ARHGAP21: variants seen among roughly 807,000 people sequenced by gnomAD.
The protein encoded by ARHGAP21 is rho GTPase-activating protein 21.
In ARHGAP21, 38 loss-of-function variants were observed where a neutral mutation model predicts 164.6. The ratio of observed to expected loss-of-function variants is 0.23; its 90% CI spans 0.18 to 0.30. The LOEUF (loss-of-function observed/expected upper bound fraction) is 0.30, where lower values mean the gene tolerates loss of function less well. ARHGAP21 is among the 10% of genes least tolerant of loss of function. The pLI is 1.00. For synonymous variants in ARHGAP21, 766 were observed against 857.9 expected, an observed-to-expected ratio of 0.89 and a Z score of 1.87; for missense variants, 1,822 against 2,370.7, an observed-to-expected ratio of 0.77 and a Z score of 4.81.
intron 5 of ARHGAP21, among the ~76,000 whole-genome samples, chr10:24,633,885 T>C (rs1006580195): frequency 4.4e-5 from 5 of 114,912 alleles, no homozygotes; most frequent in African/African-American, 1.6e-4. Context: ...TTTTTTCTCT[T>C]TTTTTTTTTT....
chr10:24,590,784 AC>A (rs2076293183), intron 24 of ARHGAP21: 1 of 985,276 alleles, frequency 1.0e-6, no homozygotes, highest in South Asian at 4.7e-5. Context: ...TACCAGTTCA[AC>A]AGATTTAACT....
At chr10:24,672,914 A>G in intron 2 of ARHGAP21, among the ~76,000 whole-genome samples, 1 of 152,228 alleles carries the variant, frequency 6.6e-6, no homozygotes, top group African/African-American at 2.4e-5. Flanking sequence ...ATATACTAGC[A>G]ATAAGCAACT....
At chr10:24,643,256 G>A (rs1048108973) in intron 4 of ARHGAP21, among the ~76,000 whole-genome samples, 4 of 152,214 alleles carry the variant, frequency 2.6e-5, no homozygotes, top group Non-Finnish European at 5.9e-5. Flanking sequence ...TAAAGTTCAT[G>A]TAGCATTGTA....
rs771768304 is a variant in ARHGAP21 at position 24,620,605 on chromosome 10, G to T, written c.1290C>A (p.Pro430=). Residue 430 remains proline, a synonymous_variant, in exon 9 of 26, where the codon CCC becomes CCA. Coordinates refer to ENST00000396432, the MANE Select transcript of ARHGAP21 (RefSeq NM_020824.4). ...QSTTDYNQVV[P]NRTTLQGRRR... The stretch of plus-strand genomic sequence containing the variant: ...GTCGTCCCTGCAAAGTAGTGCGGTT[G>T]GGGACGACCTGGTTATAATCTGTCG... The T allele has an allele frequency of 6.2e-7, 1 of 1,614,212 alleles. No homozygotes were observed. Among genetic ancestry groups the T allele is most frequent in the Non-Finnish European group, 8.5e-7 (1 of 1,180,046 alleles).
chr10:24,601,561 TTAAAA>T (rs1433829072), intron 13 of ARHGAP21, among the ~76,000 whole-genome samples: 3 of 152,108 alleles, frequency 2.0e-5, no homozygotes, highest in Non-Finnish European at 2.9e-5. Flanking sequence ...CTTAATATTT[TTAAAA>T]TAAAATGAAA....
intron 3 of ARHGAP21, among the ~76,000 whole-genome samples, chr10:24,668,159 C>T (rs1840372161): frequency 6.6e-6 from 1 of 152,154 alleles, no homozygotes; most frequent in Non-Finnish European, 1.5e-5. Flanking sequence ...TAACAGGAGG[C>T]AGAAATGGAA....
chr10:24,692,901 T>C (rs1221474972), intron 2 of ARHGAP21, among the ~76,000 whole-genome samples: 1 of 151,272 alleles, frequency 6.6e-6, no homozygotes, highest in African/African-American at 2.4e-5. Flanking sequence ...CACAATGAAC[T>C]ACCATAAACA....
chr10:24,669,471 A>G (rs1159964960), intron 3 of ARHGAP21, among the ~76,000 whole-genome samples: 1 of 152,184 alleles, frequency 6.6e-6, no homozygotes, highest in Non-Finnish European at 1.5e-5. Context: ...TTTCCATTAT[A>G]CTATTGTGTA....
At chr10:24,631,611 G>A (rs1203665282) in intron 6 of ARHGAP21, among the ~76,000 whole-genome samples, 1 of 152,100 alleles carries the variant, frequency 6.6e-6, no homozygotes, top group East Asian at 1.9e-4. Context: ...AGAACCACAG[G>A]TTCAAATAAA....
chr10:24,585,984 A>C lies in ARHGAP21; in HGVS notation c.4305T>G (p.Asp1435Glu). 1 of 1,614,106 alleles carries C rather than the reference A, an allele frequency of 6.2e-7. No individual in the cohort carries two copies. Reference protein sequence around the residue: ...KEKAQPSSSEDELDNVFFKKE... With the variant: ...KEKAQPSSSEEELDNVFFKKE... The stretch of plus-strand genomic sequence containing the variant: ...TCTTAAAAAATACATTGTCCAGTTC[A>C]TCTTCTGAGCTGCTAGGCTGTGCTT... Residue 1435 changes from aspartate to glutamate, a missense_variant, in exon 26 of 26, where the codon GAT becomes GAG. By Grantham distance (45) the Asp-to-Glu change is conservative. Coordinates refer to ENST00000396432, the MANE Select transcript of ARHGAP21 (RefSeq NM_020824.4).
At chr10:24,665,913 G>T (rs1223623912) in intron 4 of ARHGAP21, among the ~76,000 whole-genome samples, 1 of 152,236 alleles carries the variant, frequency 6.6e-6, no homozygotes, top group African/African-American at 2.4e-5. Flanking sequence ...AAGAGAACAA[G>T]GATACTAGCG....
At chr10:24,588,155 T>TA (rs1377515729) in intron 25 of ARHGAP21, among the ~76,000 whole-genome samples, 1 of 152,234 alleles carries the variant, frequency 6.6e-6, no homozygotes. Context: ...ACAATCTGTA[T>TA]AAAAACTGCA....
At chr10:24,633,558 T>A in intron 5 of ARHGAP21, 78 bp from the exon 6 acceptor site, 1 of 880,306 alleles carries the variant, frequency 1.1e-6, no homozygotes, top group Non-Finnish European at 1.8e-6. Context: ...ATTTCTTGAA[T>A]AATGTCCTTA....
At chr10:24,701,771 C>T (rs1025358165) in intron 2 of ARHGAP21, among the ~76,000 whole-genome samples, 244 of 152,234 alleles carry the variant, frequency 1.6e-3, no homozygotes, top group African/African-American at 5.6e-3. Flanking sequence ...TGGTAGAATA[C>T]CATGTTCATG....
intron 7 of ARHGAP21, among the ~76,000 whole-genome samples, chr10:24,623,705 G>A (rs913105449): frequency 6.6e-6 from 1 of 152,204 alleles, no homozygotes; most frequent in Non-Finnish European, 1.5e-5. Context: ...AGGAGGATGG[G>A]GGAGAGGAGG....
intron 2 of ARHGAP21, among the ~76,000 whole-genome samples, chr10:24,696,133 C>T (rs1486384073): frequency 6.6e-6 from 1 of 152,204 alleles, no homozygotes; most frequent in East Asian, 1.9e-4. Context: ...GGACATCAGG[C>T]CCACAAGGGA....
At chr10:24,602,522 GT>G (rs953646187) in intron 12 of ARHGAP21, among the ~76,000 whole-genome samples, 1 of 152,156 alleles carries the variant, frequency 6.6e-6, no homozygotes, top group Non-Finnish European at 1.5e-5. Flanking sequence ...GCCATAAAAG[GT>G]CAGAGGGAAG....
intron 2 of ARHGAP21, among the ~76,000 whole-genome samples, chr10:24,691,572 G>A (rs1047491653): frequency 6.6e-6 from 1 of 152,188 alleles, no homozygotes; most frequent in Non-Finnish European, 1.5e-5. Flanking sequence ...AGAGGCATTG[G>A]TGGAACTTAC....
chr10:24,702,448 T>C (rs910814380), intron 2 of ARHGAP21, among the ~76,000 whole-genome samples: 1 of 152,122 alleles, frequency 6.6e-6, no homozygotes, highest in African/African-American at 2.4e-5. Context: ...CCATTCTTAA[T>C]TGTGGTATGG....
Sources: gnomAD v4.1 joint callset for allele counts (sites outside exome capture counted in the v4.1 genomes callset) on GRCh38, gnomAD v4.1.1 for gene constraint, MANE v1.5 for transcripts, NCBI Gene and HGNC (gene_info 2026-07-23, HGNC 2026-07-21) for gene names.